The following WDR89 variants were observed in gnomAD, a reference collection of about 807,000 sequenced individuals.
WDR89 encodes the protein WD repeat domain 89, also known as WD repeat-containing protein 89.
A neutral mutation model predicts 29.1 loss-of-function variants in WDR89; 17 were observed. That is an observed-to-expected ratio of 0.58 (90% CI 0.40 to 0.88). The LOEUF is 0.88. Ranked by LOEUF, WDR89 falls within the 40% of genes least tolerant of loss-of-function variation. The pLI, the probability that WDR89 is intolerant of heterozygous loss-of-function variation, is 0.00. For synonymous variants in WDR89, 138 were observed against 157.8 expected (o/e 0.87, Z 0.94); for missense variants, 396 against 456.3 (o/e 0.87, Z 1.20).
intron 1 of WDR89, among the ~76,000 whole-genome samples, chr14:63,636,202 T>C (rs528928055): frequency 6.6e-6 from 1 of 152,010 alleles, no homozygotes; most frequent in South Asian, 2.1e-4. Context: ...AAAAAGAATA[T>C]ACCTAACAAA....
At chr14:63,600,717 CAAAAAAAAAAAAAAAAAAAAA>C (rs56059698) in intron 2 of WDR89, among the ~76,000 whole-genome samples, 68 of 36,212 alleles carry the variant, frequency 1.9e-3, no homozygotes, top group East Asian at 2.8e-3. Flanking sequence ...GATATGTAGG[CAAAAAAAAAAAAAAAAAAAAA>C]AAAAAAAAAA....
intron 1 of WDR89, among the ~76,000 whole-genome samples, chr14:63,629,766 A>G (rs1040532142): frequency 2.0e-5 from 3 of 152,068 alleles, no homozygotes; most frequent in African/African-American, 4.8e-5. Context: ...GTCAAACTTT[A>G]TTTTTTTTAT....
chr14:63,631,849 C>T (rs184213542), intron 1 of WDR89, among the ~76,000 whole-genome samples: 103 of 152,262 alleles, frequency 6.8e-4, no homozygotes, highest in African/African-American at 2.4e-3. Flanking sequence ...CGGTGGTTCA[C>T]GCCTGTAATC....
At chr14:63,618,981 CTAGGTCAAGTTAACAATGA>C (rs1882497737) in intron 2 of WDR89, among the ~76,000 whole-genome samples, 1 of 152,098 alleles carries the variant, frequency 6.6e-6, no homozygotes, top group Non-Finnish European at 1.5e-5. Flanking sequence ...AAATGTGGGT[CTAGGTCAAGTTAACAATGA>C]AATGTGGGTC....
chr14:63,621,287 C>T (rs995703430), intron 2 of WDR89, among the ~76,000 whole-genome samples: 4 of 152,060 alleles, frequency 2.6e-5, no homozygotes, highest in Non-Finnish European at 5.9e-5. Flanking sequence ...CTCTGTTGCC[C>T]AGGCTGGGGT....
intron 1 of WDR89, among the ~76,000 whole-genome samples, chr14:63,637,479 C>A (rs1883809857): frequency 6.6e-6 from 1 of 152,164 alleles, no homozygotes; most frequent in Non-Finnish European, 1.5e-5. Context: ...TATAGCAGCA[C>A]AATTCACAAC....
At chr14:63,640,143 G>A (rs1319381733) in intron 1 of WDR89, among the ~76,000 whole-genome samples, 1 of 152,180 alleles carries the variant, frequency 6.6e-6, no homozygotes, top group African/African-American at 2.4e-5. Context: ...GCAGTCCATA[G>A]ACGTTTCAGA....
At chr14:63,601,869 C>G (rs1895080265) in intron 2 of WDR89, 1 of 663,536 alleles carries the variant, frequency 1.5e-6, no homozygotes, top group South Asian at 1.9e-5. Flanking sequence ...CACCGAAGTT[C>G]TGAAATCTTT....
chr14:63,612,955 G>C (rs1322980168), intron 2 of WDR89, among the ~76,000 whole-genome samples: 1 of 152,194 alleles, frequency 6.6e-6, no homozygotes, highest in South Asian at 2.1e-4. Flanking sequence ...GATCTCAGAT[G>C]AAAGGACAGA....
At chr14:63,609,583 A>G (rs1422082966) in intron 2 of WDR89, among the ~76,000 whole-genome samples, 1 of 152,118 alleles carries the variant, frequency 6.6e-6, no homozygotes, top group Non-Finnish European at 1.5e-5. Context: ...GAGCCTCAGG[A>G]GTTGGAGACC....
In WDR89 at chr14:63,599,678, A is replaced by C; in HGVS notation, c.265T>G (p.Cys89Gly). Reference sequence around the variant, plus strand: ...CAGCATTTCACAGTGCCATCAGTACATGCTGAATATACACTGTCACAGGAA... The same window carrying C: ...CAGCATTTCACAGTGCCATCAGTACCTGCTGAATATACACTGTCACAGGAA... ...ANSCDSVYSACTDGTVKCWDA... is the reference protein window; with the variant it reads ...ANSCDSVYSAGTDGTVKCWDA... Residue 89 changes from cysteine (C) to glycine (G), a missense_variant, in exon 3 of 3, where the codon TGT becomes GGT. Transcript: ENST00000620954. 2.5e-6 allele frequency: 4 copies of C among 1,614,228 alleles called. No homozygotes were observed. Among genetic ancestry groups the C allele is most frequent in the Non-Finnish European group, 3.4e-6 (4 of 1,180,038 alleles).
At chr14:63,633,468 A>G (rs1883535901) in intron 1 of WDR89, among the ~76,000 whole-genome samples, 1 of 152,202 alleles carries the variant, frequency 6.6e-6, no homozygotes, top group African/African-American at 2.4e-5. Flanking sequence ...CATATCTCTC[A>G]GACAATAAAG....
chr14:63,603,411 T>C (rs533786547), intron 2 of WDR89, among the ~76,000 whole-genome samples: 1 of 152,360 alleles, frequency 6.6e-6, no homozygotes, highest in South Asian at 2.1e-4. Flanking sequence ...ATGGAATTTT[T>C]TGAATATCCT....
At chr14:63,608,679 C>T (rs935167792) in intron 2 of WDR89, among the ~76,000 whole-genome samples, 2 of 151,392 alleles carry the variant, frequency 1.3e-5, no homozygotes, top group Admixed American at 1.3e-4. Flanking sequence ...CACACACACA[C>T]ACACACACAC....
chr14:63,601,405 C>CTGTA, intron 2 of WDR89: 1 of 698,918 alleles, frequency 1.4e-6, no homozygotes, highest in Non-Finnish European at 2.4e-6. Flanking sequence ...CCAGGGTGGG[C>CTGTA]TGTATGTAGG....
Position 63,625,049 on chromosome 14 carries a change from A to G in WDR89, c.-137-16T>C, listed in dbSNP as rs1021596464. 1.3e-5 allele frequency: 2 copies of G among 152,182 alleles called. No homozygotes were observed. Among genetic ancestry groups the G allele is most frequent in the African/African-American group, 4.8e-5 (2 of 41,456 alleles). The allele number at this position is 152,182 out of a possible 1,614,324, so 9.4% of individuals were successfully genotyped here. A position where few individuals can be genotyped will look rare whatever the true frequency, so the allele number is the denominator to read the frequency against. On this transcript the variant is annotated splice_polypyrimidine_tract_variant and intron_variant, in intron 1 of 2. Transcript: ENST00000620954. ...AGCCAAATACCTAGAAAAAAACAGA[A>G]ATACGGGTAAGCTTAAGCACAAAAA...
chr14:63,603,645 G>C (rs1412474371), intron 2 of WDR89, among the ~76,000 whole-genome samples: 2 of 151,896 alleles, frequency 1.3e-5, no homozygotes, highest in Non-Finnish European at 2.9e-5. Context: ...GTTGCTTTTT[G>C]ATGCTCAAAG....
chr14:63,609,590 G>A (rs1424937731), intron 2 of WDR89, among the ~76,000 whole-genome samples: 1 of 152,110 alleles, frequency 6.6e-6, no homozygotes. Context: ...AGGAGTTGGA[G>A]ACCAGCCTGG....
intron 2 of WDR89, among the ~76,000 whole-genome samples, chr14:63,623,983 AC>A (rs1376266214): frequency 2.0e-5 from 3 of 152,304 alleles, no homozygotes; most frequent in Admixed American, 6.5e-5. Context: ...AGAAGTCAGA[AC>A]AGAGAATATT....
Sources: gnomAD v4.1 joint callset for allele counts (sites outside exome capture counted in the v4.1 genomes callset) on GRCh38, gnomAD v4.1.1 for gene constraint, MANE v1.5 for transcripts, NCBI Gene and HGNC (gene_info 2026-07-23, HGNC 2026-07-21) for gene names.